The following EBAG9 variants were observed in gnomAD, a reference collection of about 807,000 sequenced individuals.
EBAG9 encodes the protein estrogen receptor binding site associated antigen 9.
EBAG9 carries 16 observed loss-of-function variants against 30.9 expected under a neutral mutation model. The ratio of observed to expected loss-of-function variants is 0.52; its 90% CI spans 0.35 to 0.79. The LOEUF (loss-of-function observed/expected upper bound fraction) is 0.79, where lower values mean the gene tolerates loss of function less well. Ranked by LOEUF, EBAG9 falls within the 30% of genes least tolerant of loss-of-function variation. The pLI is 0.01. For missense variants in EBAG9, 197 were observed against 242.1 expected (o/e 0.81, Z 1.24); for synonymous variants, 93 against 82.8 (o/e 1.12, Z -0.67).
chr8:109,562,489 G>A (rs1421606231), intron 6 of EBAG9, among the ~76,000 whole-genome samples: 6 of 151,926 alleles, frequency 3.9e-5, no homozygotes, highest in African/African-American at 1.5e-4. Flanking sequence ...TAGACATTGA[G>A]CATTTTAAAA....
At chr8:109,550,774 A>G (rs1210018974) in intron 1 of EBAG9, 36 bp from the exon 2 acceptor site, 3 of 1,237,380 alleles carry the variant, frequency 2.4e-6, no homozygotes, top group Non-Finnish European at 3.5e-6. Context: ...TTTGAAATCA[A>G]TTTAATGCAT....
chr8:109,555,850 A>G (rs905829109), intron 4 of EBAG9, among the ~76,000 whole-genome samples: 1 of 152,180 alleles, frequency 6.6e-6, no homozygotes. Flanking sequence ...CAAAAACTGT[A>G]GAAGAACTTA....
rs147973007 is a variant in EBAG9 at position 109,565,441 on chromosome 8, G to A, written c.*882G>A. 2.6e-5 allele frequency: 4 copies of A among 152,136 alleles called. No individual in the cohort carries two copies. The East Asian group carries it at 7.7e-4, about 29-fold the overall frequency. 9.4% of individuals were successfully genotyped at this position (152,136 alleles called of 1,614,324 possible). Reference sequence around the variant, plus strand: ...ATTTCAAAGCCTTTAGATGATTTCTGTACTAGCTTTAGATGTCTGACGTTA... The same window carrying A: ...ATTTCAAAGCCTTTAGATGATTTCTATACTAGCTTTAGATGTCTGACGTTA... On this transcript the variant is annotated 3_prime_UTR_variant, in exon 7 of 7. Transcript: ENST00000337573.
chr8:109,548,484 A>G lies in EBAG9; in HGVS notation c.-15-2326A>G, dbSNP rs187252342. 6.6e-5 allele frequency among the ~76,000 whole-genome samples: 10 copies of G among 152,216 alleles called. No homozygotes were observed. In the East Asian group the frequency reaches 1.9e-3, roughly 29 times the overall value. Reference sequence around the variant, plus strand: ...TGTTATATACGTTCTTTGCATTTCCATATGAACTTTAGAAATTAGCTTGTC... The same window carrying G: ...TGTTATATACGTTCTTTGCATTTCCGTATGAACTTTAGAAATTAGCTTGTC... On this transcript the variant is annotated intron_variant, in intron 1 of 6. Transcript: ENST00000337573.
chr8:109,564,184 A>G (rs1011546085), intron 6 of EBAG9, among the ~76,000 whole-genome samples: 2 of 152,142 alleles, frequency 1.3e-5, no homozygotes, highest in African/African-American at 4.8e-5. Flanking sequence ...CGGGCAAGTC[A>G]CTTAGCCTTT....
intron 4 of EBAG9, among the ~76,000 whole-genome samples, chr8:109,555,569 A>G (rs1821582503): frequency 6.6e-6 from 1 of 152,166 alleles, no homozygotes; most frequent in Admixed American, 6.6e-5. Flanking sequence ...GACTAAGGTG[A>G]ATTGGATAAG....
intron 5 of EBAG9, chr8:109,557,598 G>A (rs2844231): frequency 0.46 from 206,877 of 445,716 alleles, 51,943 homozygotes; most frequent in African/African-American, 0.75. Flanking sequence ...TATATTATCT[G>A]TTGTTGTGTA....
At chr8:109,564,390 A>G in intron 6 of EBAG9, 49 bp from the exon 7 acceptor site, 1 of 1,595,940 alleles carries the variant, frequency 6.3e-7, no homozygotes, top group Non-Finnish European at 8.5e-7. Context: ...TTTATTTGCC[A>G]TTTTACCTGT....
chr8:109,543,135 C>CTT (rs557388998), intron 1 of EBAG9, among the ~76,000 whole-genome samples: 2,310 of 52,534 alleles, frequency 0.044, 344 homozygotes, highest in Non-Finnish European at 0.083. Context: ...TATTCTGGTT[C>CTT]TTTTTTTTTT....
chr8:109,560,014 A>C (rs1563657648), intron 5 of EBAG9, among the ~76,000 whole-genome samples: 1 of 152,242 alleles, frequency 6.6e-6, no homozygotes. Flanking sequence ...TCAGGAGAAG[A>C]AAACTCAAAA....
At chr8:109,559,122 AAT>A (rs1821661405) in intron 5 of EBAG9, among the ~76,000 whole-genome samples, 1 of 152,166 alleles carries the variant, frequency 6.6e-6, no homozygotes, top group Non-Finnish European at 1.5e-5. Flanking sequence ...ACAAATAAGA[AAT>A]AGACATAACC....
upstream of EBAG9, chr8:109,539,809 A>G (rs1018183141): frequency 1.3e-5 from 2 of 151,926 alleles, no homozygotes; most frequent in Non-Finnish European, 2.9e-5. Context: ...GAGCGGGCGG[A>G]GCGCGAGCTC....
intron 3 of EBAG9, among the ~76,000 whole-genome samples, chr8:109,554,290 T>C (rs1821552694): frequency 6.6e-6 from 1 of 152,222 alleles, no homozygotes; most frequent in Admixed American, 6.5e-5. Context: ...TGTTTTTATA[T>C]GCTGAATAAT....
At position 109,556,922 on chromosome 8, in the gene EBAG9, A is replaced by G; in HGVS notation, c.322-13A>G. On this transcript the variant is annotated splice_polypyrimidine_tract_variant and intron_variant, in intron 4 of 6. Coordinates refer to ENST00000337573, the MANE Select transcript of EBAG9 (RefSeq NM_004215.5). ...AAAAGATCCCTATAATTCTTTTTCAATTAATCTTTCAGATTGTTATTAAGA... is the reference window on the plus strand; with the variant it reads ...AAAAGATCCCTATAATTCTTTTTCAGTTAATCTTTCAGATTGTTATTAAGA... 4 of 1,502,834 alleles carry G rather than the reference A, an allele frequency of 2.7e-6. No homozygotes were observed. Among genetic ancestry groups the G allele is most frequent in the Non-Finnish European group, 3.6e-6 (4 of 1,102,650 alleles). 93.1% of individuals were successfully genotyped at this position (1,502,834 alleles called of 1,614,324 possible). A position where few individuals can be genotyped will look rare whatever the true frequency, so the allele number is the denominator to read the frequency against.
chr8:109,541,277 G>T (rs186166465), intron 1 of EBAG9, among the ~76,000 whole-genome samples: 1 of 152,086 alleles, frequency 6.6e-6, no homozygotes, highest in Admixed American at 6.5e-5. Context: ...GTAAAGTAGC[G>T]TAAGATACTT....
intron 1 of EBAG9, among the ~76,000 whole-genome samples, chr8:109,543,675 A>G (rs1182892322): frequency 6.6e-6 from 1 of 151,976 alleles, no homozygotes. Context: ...GTAATATTTT[A>G]TTAGGTAAAA....
At chr8:109,561,319 A>G (rs1257131308) in intron 6 of EBAG9, among the ~76,000 whole-genome samples, 2 of 151,848 alleles carry the variant, frequency 1.3e-5, no homozygotes, top group African/African-American at 2.4e-5. Flanking sequence ...CTCATGATCT[A>G]GCATAGTGCC....
intron 1 of EBAG9, among the ~76,000 whole-genome samples, chr8:109,549,563 T>G (rs2131108889): frequency 6.6e-6 from 1 of 152,172 alleles, no homozygotes; most frequent in South Asian, 2.1e-4. Context: ...TATATAGATT[T>G]TCAGGTTGTT....
At position 109,543,629 on chromosome 8, in the gene EBAG9, AT is replaced by A. The variant is rs971675520; in HGVS notation, c.-16+3177del. Among the ~76,000 whole-genome samples the A allele has an allele frequency of 2.4e-4, 36 of 151,274 alleles. 1 individual carries two copies. In the Middle Eastern group the frequency reaches 0.017, roughly 72 times the overall value. On this transcript the variant is annotated intron_variant, in intron 1 of 6. Coordinates refer to ENST00000337573, the MANE Select transcript of EBAG9 (RefSeq NM_004215.5). Reference sequence around the variant, plus strand: ...TCAGTATACCCTATCAGAGATGACCATTTTTTTTTACTATATAATTTTTAAC... The same window carrying A: ...TCAGTATACCCTATCAGAGATGACCATTTTTTTTACTATATAATTTTTAAC...
Sources: gnomAD v4.1 joint callset for allele counts (sites outside exome capture counted in the v4.1 genomes callset) on GRCh38, gnomAD v4.1.1 for gene constraint, MANE v1.5 for transcripts, NCBI Gene and HGNC (gene_info 2026-07-23, HGNC 2026-07-21) for gene names.